Variants in BRWD1 observed in about 807,000 individuals in gnomAD.
BRWD1 encodes the protein bromodomain and WD repeat-containing protein 1.
A neutral mutation model predicts 251.2 loss-of-function variants in BRWD1; 82 were observed. The ratio of observed to expected loss-of-function variants is 0.33; its 90% CI spans 0.27 to 0.39. The LOEUF is 0.39. BRWD1 is among the 10% of genes least tolerant of loss of function. BRWD1 has a pLI of 1.00. For synonymous variants in BRWD1, 918 were observed against 902.8 expected (o/e 1.02, Z -0.30); for missense variants, 2,233 against 2,711.6 (o/e 0.82, Z 3.92).
chr21:39,186,935 G>A lies in BRWD1; in HGVS notation c.*9324C>T, dbSNP rs1204021741. On this transcript the variant is annotated 3_prime_UTR_variant, in exon 41 of 41. Transcript: ENST00000342449. Reference sequence around the variant, plus strand: ...AAATTCCTCCAAAGATGCCAATAAGGGAGTAATTTTAGAGCTGGGAGCAGA... The same window carrying A: ...AAATTCCTCCAAAGATGCCAATAAGAGAGTAATTTTAGAGCTGGGAGCAGA... 4 of 1,494,548 alleles carry A rather than the reference G, an allele frequency of 2.7e-6. No homozygotes were observed. Among genetic ancestry groups the A allele is most frequent in the African/African-American group, 1.4e-5 (1 of 70,598 alleles). 92.6% of individuals were successfully genotyped at this position (1,494,548 alleles called of 1,614,324 possible). A position where few individuals can be genotyped will look rare whatever the true frequency, so the allele number is the denominator to read the frequency against.
intron 37 of BRWD1, among the ~76,000 whole-genome samples, chr21:39,203,435 G>GTTTTTTTTTTT (rs2032214008): frequency 1.4e-5 from 2 of 139,400 alleles, no homozygotes; most frequent in Non-Finnish European, 3.0e-5. Flanking sequence ...CAAGACCCTG[G>GTTTTTTTTTTT]TTCTTTTTTT....
chr21:39,313,894 G>A, upstream of BRWD1: 1 of 322,728 alleles, frequency 3.1e-6, no homozygotes, highest in South Asian at 2.3e-5. Flanking sequence ...CGGCTGCCCG[G>A]GCTTTGTGAG....
At position 39,278,724 on chromosome 21, in the gene BRWD1, A is replaced by G; in HGVS notation, c.1003+19T>C. On this transcript the variant is annotated intron_variant, in intron 10 of 40. Transcript: ENST00000342449. ...TTTAAAAAAAAAAAACTAAGAAAAA[A>G]ATGTGAAGAAGTTCTTACCAACACT... 6.4e-7 allele frequency: 1 copy of G among 1,554,556 alleles called. No individual in the cohort carries two copies. The highest frequency in any genetic ancestry group is 8.6e-7 in the Non-Finnish European group (1 of 1,156,986).
At chr21:39,258,810 C>G (rs2836963) in intron 17 of BRWD1, 138 bp from the exon 18 acceptor site, 65,531 of 544,248 alleles carry the variant, frequency 0.12, 4,360 homozygotes, top group Admixed American at 0.13. Context: ...AAAAGATACT[C>G]TACATATTCA....
At chr21:39,222,544 G>A (rs1244290705) in intron 29 of BRWD1, among the ~76,000 whole-genome samples, 2 of 152,152 alleles carry the variant, frequency 1.3e-5, no homozygotes, top group Non-Finnish European at 2.9e-5. Flanking sequence ...ACATGAAGGG[G>A]TTCCCAGTGG....
chr21:39,301,688 T>C (rs541356632), intron 4 of BRWD1, among the ~76,000 whole-genome samples: 6 of 152,272 alleles, frequency 3.9e-5, no homozygotes, highest in Non-Finnish European at 8.8e-5. Context: ...AGTGTAGTTT[T>C]AAGCTGCTAA....
intron 9 of BRWD1, 110 bp downstream of exon 9, chr21:39,280,038 A>T (rs1320706477): frequency 4.1e-6 from 3 of 723,614 alleles, no homozygotes; most frequent in Non-Finnish European, 6.5e-6. Context: ...TTCAAAGGTT[A>T]AAAAAAAGCA....
Position 39,196,718 on chromosome 21 carries a change from A to G in BRWD1, c.6351T>C (p.Asp2117=). 6.2e-7 allele frequency: 1 copy of G among 1,613,762 alleles called. No individual in the cohort carries two copies. Among genetic ancestry groups the G allele is most frequent in the Non-Finnish European group, 8.5e-7 (1 of 1,179,850 alleles). ...CTTCCTTCTCTGCTGTTTCCTGTGA[A>G]TCATGAATCACTTTTGTCTTACTAA... The part of the protein sequence containing the change: ...APFSKTKVIH[D]SQETAEKEVK... Residue 2117 remains aspartate (D), a synonymous_variant, in exon 41 of 41, where the codon GAT becomes GAC. Transcript: ENST00000342449.
Position 39,238,569 on chromosome 21 carries a change from G to C in BRWD1, c.2486C>G (p.Thr829Ser). The change falls in exon 22 of 41, where the codon ACT (threonine) becomes AGT (serine). Residue 829 changes from threonine (T) to serine (S), a missense_variant. Physicochemically the swap from Thr to Ser is moderately conservative, Grantham distance 58 (BLOSUM62 1). This residue lies in a region of BRWD1 where 214 missense variants were observed against 222.0 expected (regional missense o/e 0.96). Coordinates refer to ENST00000342449, the MANE Select transcript of BRWD1 (RefSeq NM_033656.4). ...NESSSSVRHE[T>S]SCDQSEGSGS... ...AGAACCTTCACTCTGATCACAGGAA[G>C]TCTCCTAATTTGTGAAGGGGGGAAA... 1 of 1,611,838 alleles carries C rather than the reference G, an allele frequency of 6.2e-7. No individual in the cohort carries two copies. The highest frequency in any genetic ancestry group is 8.5e-7 in the Non-Finnish European group (1 of 1,178,432).
At chr21:39,230,546 G>A (rs529533094) in intron 25 of BRWD1, among the ~76,000 whole-genome samples, 2 of 152,150 alleles carry the variant, frequency 1.3e-5, no homozygotes, top group Non-Finnish European at 2.9e-5. Flanking sequence ...TTGGTTTTAT[G>A]CGTGTTTCCG....
chr21:39,302,568 C>T (rs1316975641), intron 4 of BRWD1, among the ~76,000 whole-genome samples: 1 of 151,300 alleles, frequency 6.6e-6, no homozygotes, highest in Admixed American at 6.6e-5. Flanking sequence ...ACCAGCCTGG[C>T]TAACATGGTG....
intron 7 of BRWD1, among the ~76,000 whole-genome samples, chr21:39,295,320 G>A (rs1286334792): frequency 6.6e-6 from 1 of 151,098 alleles, no homozygotes; most frequent in African/African-American, 2.4e-5. Flanking sequence ...CCGAGTAGCT[G>A]GGACTACAGG....
chr21:39,290,104 T>C (rs1213947107), intron 8 of BRWD1, among the ~76,000 whole-genome samples: 1 of 152,102 alleles, frequency 6.6e-6, no homozygotes, highest in Non-Finnish European at 1.5e-5. Context: ...TGATTACTCA[T>C]TGTACTCCAT....
At chr21:39,244,779 T>C (rs914703982) in intron 21 of BRWD1, among the ~76,000 whole-genome samples, 3 of 151,754 alleles carry the variant, frequency 2.0e-5, no homozygotes, top group South Asian at 4.2e-4. Context: ...CATGGTAAAA[T>C]AGTTATTTCC....
At chr21:39,228,478 A>T in intron 27 of BRWD1, 22 bp downstream of exon 27, 1 of 1,561,012 alleles carries the variant, frequency 6.4e-7, no homozygotes, top group South Asian at 1.1e-5. Context: ...GGGTATATAA[A>T]ACTTAGTAAG....
At chr21:39,313,364 G>C (rs1005821409) in intron 1 of BRWD1, 65 bp from the exon 2 acceptor site, 8 of 1,481,500 alleles carry the variant, frequency 5.4e-6, no homozygotes, top group Non-Finnish European at 6.3e-6. Context: ...GGCCAGGGGA[G>C]CCGGGGGAGC....
intron 29 of BRWD1, among the ~76,000 whole-genome samples, chr21:39,220,082 T>C (rs1406119503): frequency 1.4e-5 from 2 of 140,174 alleles, no homozygotes; most frequent in African/African-American, 2.6e-5. Context: ...ATCACATCTA[T>C]ACCACCTAAA....
intron 31 of BRWD1, among the ~76,000 whole-genome samples, 194 bp downstream of exon 31, chr21:39,217,958 T>C (rs2033023328): frequency 6.6e-6 from 1 of 151,878 alleles, no homozygotes; most frequent in African/African-American, 2.4e-5. Flanking sequence ...GGGTGAAATA[T>C]GGTAGTCAAT....
At position 39,313,444 on chromosome 21, in the gene BRWD1, C is replaced by T. The variant is rs1017327754; in HGVS notation, c.48G>A (p.Ser16=). 5.8e-6 allele frequency: 8 copies of T among 1,378,348 alleles called. No homozygotes were observed. In the African/African-American group the frequency reaches 1.2e-4, roughly 21 times the overall value. 85.4% of individuals were successfully genotyped at this position (1,378,348 alleles called of 1,614,324 possible). A position where few individuals can be genotyped will look rare whatever the true frequency, so the allele number is the denominator to read the frequency against. Residue 16 remains serine (S), a splice_region_variant and synonymous_variant, in exon 1 of 41, where the codon TCG becomes TCA. Transcript: ENST00000342449. ...GGGTGGCACGGCCTCGCGTCTTACC[C>T]GACTCGATGAGAGGCACCGGGCGTC... The part of the protein sequence containing the change: ...SARRPVPLIE[S]ELYFLIARYL...
Sources: allele counts gnomAD v4.1 joint callset (sites outside exome capture counted in the v4.1 genomes callset), GRCh38; gene constraint gnomAD v4.1.1; regional missense constraint gnomAD v4.1.1; transcripts MANE v1.5; gene names NCBI Gene and HGNC (gene_info 2026-07-23, HGNC 2026-07-21).